AGBL1: variants seen among roughly 807,000 people sequenced by gnomAD.
AGBL1 encodes the protein cytosolic carboxypeptidase 4.
AGBL1 carries 130 observed loss-of-function variants against 118.9 expected under a neutral mutation model. The ratio of observed to expected loss-of-function variants is 1.09; its 90% CI spans 0.95 to 1.26. The LOEUF is 1.26. AGBL1 is among the 50% of genes most tolerant of loss of function. AGBL1 has a pLI of 0.00. For synonymous variants in AGBL1, 555 were observed against 478.9 expected, an observed-to-expected ratio of 1.16 and a Z score of -2.08; for missense variants, 1,584 against 1,298.1, an observed-to-expected ratio of 1.22 and a Z score of -3.38.
intron 23 of AGBL1, among the ~76,000 whole-genome samples, chr15:86,926,144 C>T (rs956743611): frequency 2.0e-5 from 3 of 152,108 alleles, no homozygotes; most frequent in Middle Eastern, 3.2e-3. Flanking sequence ...ATGTTTCTCC[C>T]CTATTCCTTT....
rs1263235001 is a variant in AGBL1, at chr15:86,546,040, T to G, written c.2724T>G (p.Asn908Lys). 3 of 1,613,394 alleles carry G rather than the reference T, an allele frequency of 1.9e-6. No individual in the cohort carries two copies. The highest frequency in any genetic ancestry group is 3.3e-5 in the Admixed American group (2 of 59,906). ...CDFHGHSQKK[N>K]VFLYGCSIKE... ...TCCATGGCCACTCCCAAAAGAAGAA[T>G]GTGTTCCTTTATGGCTGTAGCATCA... The change falls in exon 20 of 23, where the codon AAT becomes AAG. Residue 908 changes from asparagine to lysine, a missense_variant. By Grantham distance (94) the Asn-to-Lys change is moderately conservative. Transcript: ENST00000614907.
At chr15:86,897,488 C>T (rs1298021190) in intron 22 of AGBL1, among the ~76,000 whole-genome samples, 2 of 151,982 alleles carry the variant, frequency 1.3e-5, no homozygotes, top group Non-Finnish European at 2.9e-5. Context: ...ATTATCTTCT[C>T]TCCTATTAAC....
At chr15:87,002,060 A>G (rs1447123429) in intron 24 of AGBL1, among the ~76,000 whole-genome samples, 1 of 152,032 alleles carries the variant, frequency 6.6e-6, no homozygotes, top group African/African-American at 2.4e-5. Flanking sequence ...GCCCATGCCT[A>G]TGTCCTCAAT....
At chr15:86,552,699 A>G (rs896472123) in intron 20 of AGBL1, among the ~76,000 whole-genome samples, 4 of 152,186 alleles carry the variant, frequency 2.6e-5, no homozygotes, top group African/African-American at 9.7e-5. Context: ...TACATACACA[A>G]TAATTCAGTT....
intron 23 of AGBL1, among the ~76,000 whole-genome samples, chr15:86,987,632 T>C (rs956471582): frequency 1.3e-5 from 2 of 152,290 alleles, no homozygotes; most frequent in Non-Finnish European, 2.9e-5. Context: ...CTATCATTAA[T>C]AGGTATTGGA....
intron 21 of AGBL1, among the ~76,000 whole-genome samples, chr15:86,560,583 A>G (rs1052173304): frequency 6.6e-6 from 1 of 152,238 alleles, no homozygotes; most frequent in Non-Finnish European, 1.5e-5. Flanking sequence ...TATTGTGAAT[A>G]GTGCCACAAT....
chr15:86,156,090 T>G (rs1362319553), intron 4 of AGBL1, among the ~76,000 whole-genome samples: 1 of 152,072 alleles, frequency 6.6e-6, no homozygotes, highest in Non-Finnish European at 1.5e-5. Flanking sequence ...CCTGGCTAAT[T>G]TTTATATTTT....
intron 3 of AGBL1, among the ~76,000 whole-genome samples, chr15:86,152,561 C>G (rs1220961922): frequency 2.0e-5 from 3 of 152,032 alleles, no homozygotes; most frequent in Non-Finnish European, 4.4e-5. Flanking sequence ...CCATAAAAAC[C>G]CCAGAAGAAA....
chr15:86,472,349 C>T (rs1369500507), intron 18 of AGBL1, among the ~76,000 whole-genome samples: 1 of 152,094 alleles, frequency 6.6e-6, no homozygotes, highest in Non-Finnish European at 1.5e-5. Context: ...GCTTCTATGG[C>T]CTTAGGCTAA....
chr15:87,030,901 G>C (rs540452384), downstream of AGBL1, among the ~76,000 whole-genome samples: 1 of 152,046 alleles, frequency 6.6e-6, no homozygotes. Flanking sequence ...CACTCTGGTA[G>C]GATGTTGCGG....
chr15:86,690,949 G>A (rs564045702), intron 22 of AGBL1, among the ~76,000 whole-genome samples: 1 of 152,012 alleles, frequency 6.6e-6, no homozygotes, highest in Admixed American at 6.6e-5. Context: ...TTATTAATCA[G>A]GGAAATGTAT....
At position 86,268,336 on chromosome 15, in the gene AGBL1, G is replaced by A. The variant is rs184466601; in HGVS notation, c.1838+1260G>A. On this transcript the variant is annotated intron_variant, in intron 13 of 22. Transcript: ENST00000614907. ...AAGACTCTTTCTCAGCCCTCTTTGT[G>A]TTGTTGGCTTAGTTTCCACTTCTTC... 2.6e-3 allele frequency among the ~76,000 whole-genome samples: 399 copies of A among 152,190 alleles called. 1 individual carries two copies. The highest frequency in any genetic ancestry group is 4.0e-3 in the Non-Finnish European group (271 of 68,014).
intron 22 of AGBL1, among the ~76,000 whole-genome samples, chr15:86,732,071 C>A (rs1339273415): frequency 6.6e-6 from 1 of 152,192 alleles, no homozygotes; most frequent in Non-Finnish European, 1.5e-5. Context: ...CCCCATTTTA[C>A]AGAGGCAGCT....
intron 22 of AGBL1, among the ~76,000 whole-genome samples, chr15:86,692,935 A>G (rs552708389): frequency 9.1e-4 from 139 of 152,222 alleles, no homozygotes; most frequent in South Asian, 8.9e-3. Flanking sequence ...GAATGCCATT[A>G]ATTTGTTCCT....
rs117102759 is a variant in AGBL1 at position 86,392,394 on chromosome 15, C to T, written c.2375-4972C>T. 4.5e-3 allele frequency among the ~76,000 whole-genome samples: 681 copies of T among 152,226 alleles called. 21 individuals are homozygous for T. In the East Asian group the frequency reaches 0.074, roughly 17 times the overall value. ...ATAAATGATGTCACAATGAATACTC[C>T]ACTGTGTTTGAAAATATCCTGATGA... On this transcript the variant is annotated intron_variant, in intron 17 of 22. Coordinates refer to ENST00000614907, the MANE Select transcript of AGBL1 (RefSeq NM_001386094.1).
At chr15:86,146,024 C>A (rs1260011097) in intron 3 of AGBL1, among the ~76,000 whole-genome samples, 1 of 152,164 alleles carries the variant, frequency 6.6e-6, no homozygotes, top group Non-Finnish European at 1.5e-5. Context: ...TTGATATATA[C>A]CTCGGTCATA....
In AGBL1 at chr15:86,615,405, G is replaced by T. The variant is rs1271569311; in HGVS notation, c.2995-58868G>T. On this transcript the variant is annotated intron_variant, in intron 21 of 22. Coordinates refer to ENST00000614907, the MANE Select transcript of AGBL1 (RefSeq NM_001386094.1). This position sits in a 1 kb window ranked among gnomAD's most constrained non-coding sequence, Gnocchi z 4.3. ...GCAGGTGGTGTCCAGTGGGATCTGGGGTAAGGAGGAAGAAGGTAAGATGAT... is the reference window on the plus strand; with the variant it reads ...GCAGGTGGTGTCCAGTGGGATCTGGTGTAAGGAGGAAGAAGGTAAGATGAT... Among the ~76,000 whole-genome samples, 1 of 152,160 alleles carries T rather than the reference G, an allele frequency of 6.6e-6. No homozygotes were observed. The highest frequency in any genetic ancestry group is 6.5e-5 in the Admixed American group (1 of 15,276).
At chr15:86,378,632 C>T (rs921285150) in intron 17 of AGBL1, among the ~76,000 whole-genome samples, 1 of 152,138 alleles carries the variant, frequency 6.6e-6, no homozygotes, top group East Asian at 1.9e-4. Flanking sequence ...TTGGCTCAGG[C>T]TAAGCTCTTT....
intron 22 of AGBL1, among the ~76,000 whole-genome samples, chr15:86,887,787 C>A (rs903070325): frequency 6.6e-6 from 1 of 151,476 alleles, no homozygotes; most frequent in Non-Finnish European, 1.5e-5. Context: ...CAAAGGACTT[C>A]GACAATTCTC....
Sources: gnomAD v4.1 joint callset for allele counts (sites outside exome capture counted in the v4.1 genomes callset) on GRCh38, gnomAD v4.1.1 for gene constraint, Gnocchi (gnomAD v3.1) non-coding constraint, MANE v1.5 for transcripts, NCBI Gene and HGNC (gene_info 2026-07-23, HGNC 2026-07-21) for gene names.